CEP72: variants seen among roughly 807,000 people sequenced by gnomAD.
CEP72 encodes centrosomal protein of 72 kDa.
A neutral mutation model predicts 65.7 loss-of-function variants in CEP72; 78 were observed. The ratio of observed to expected loss-of-function variants is 1.19; its 90% CI spans 0.99 to 1.43. The LOEUF is 1.43. Ranked by LOEUF, CEP72 falls within the 40% of genes most tolerant of loss-of-function variation. The probability of loss-of-function intolerance (pLI) is 0.00; values close to 1 mark genes in which losing one functional copy is unlikely to be tolerated. For missense variants in CEP72, 914 were observed against 832.9 expected (o/e 1.10, Z -1.20); for synonymous variants, 358 against 351.7 (o/e 1.02, Z -0.20).
intron 3 of CEP72, among the ~76,000 whole-genome samples, chr5:622,159 A>G (rs1383807973): frequency 6.6e-6 from 1 of 152,238 alleles, no homozygotes; most frequent in East Asian, 1.9e-4. Context: ...TGCAGCACAC[A>G]CACCCTCTGT....
At chr5:660,065 C>T (rs576787211), downstream of CEP72, 165 of 152,432 alleles carry the variant, frequency 1.1e-3, no homozygotes, top group African/African-American at 3.4e-3. Flanking sequence ...CGGACGTCCG[C>T]GGTGAGTGCG....
At chr5:676,386 G>A in the CEP72 span, 1 of 152,234 alleles carries the variant, frequency 6.6e-6, no homozygotes, top group East Asian at 1.9e-4. Context: ...CCCAGAGCTG[G>A]TAGATGGGGC....
chr5:668,621 C>T (rs573100177), downstream of CEP72, among the ~76,000 whole-genome samples: 5 of 152,384 alleles, frequency 3.3e-5, no homozygotes, highest in Admixed American at 1.3e-4. Context: ...CCGAGCAACG[C>T]GGCAGAGCCA....
At chr5:637,287 C>T (rs530044613) in intron 6 of CEP72, among the ~76,000 whole-genome samples, 2 of 152,340 alleles carry the variant, frequency 1.3e-5, no homozygotes, top group African/African-American at 2.4e-5. Context: ...AGCACGTGTG[C>T]CCCAGTATGC....
chr5:667,977 CAGAGAGGGGGCCG>C (rs1335343221), downstream of CEP72, among the ~76,000 whole-genome samples: 25 of 48,468 alleles, frequency 5.2e-4, no homozygotes, highest in Admixed American at 1.4e-3. Context: ...GACAAGCACA[CAGAGAGGGGGCCG>C]TGTGGGCGCC....
intron 4 of CEP72, among the ~76,000 whole-genome samples, chr5:632,140 C>T (rs1737236633): frequency 1.6e-5 from 1 of 63,254 alleles, no homozygotes. Flanking sequence ...CTGTCCAGCG[C>T]CGGGATTTGG....
downstream of CEP72, among the ~76,000 whole-genome samples, chr5:669,678 G>A (rs183499329): frequency 1.4e-4 from 22 of 152,198 alleles, no homozygotes; most frequent in Admixed American, 1.4e-3. Context: ...TGGCTGAGGG[G>A]CTCCCCCATC....
chr5:641,662 G>T, intron 9 of CEP72: 1 of 984,586 alleles, frequency 1.0e-6, no homozygotes. Context: ...CCATCTGGAA[G>T]CCTCTGTATT....
At position 634,050 on chromosome 5, in the gene CEP72, A is replaced by G. The variant is rs545877233; in HGVS notation, c.691+103A>G. 77 of 1,016,212 alleles carry G rather than the reference A, an allele frequency of 7.6e-5. 1 individual carries two copies. In the East Asian group the frequency reaches 1.7e-3, roughly 23 times the overall value. The allele number at this position is 1,016,212 out of a possible 1,614,324, so 62.9% of individuals were successfully genotyped here. ...CACAGTTGCTCTTTTTGTGGAACTT[A>G]CCTTGAAGGATAGGATCTTCATGAT... On this transcript the variant is annotated intron_variant, in intron 5 of 11. Transcript: ENST00000264935.
At chr5:627,175 T>C (rs1475708080) in intron 4 of CEP72, among the ~76,000 whole-genome samples, 3 of 152,222 alleles carry the variant, frequency 2.0e-5, no homozygotes, top group African/African-American at 7.2e-5. Flanking sequence ...ATTTCTTTAA[T>C]AGAGATCTCT....
chr5:621,537 C>T (rs529099215), intron 3 of CEP72, among the ~76,000 whole-genome samples: 1 of 152,354 alleles, frequency 6.6e-6, no homozygotes, highest in East Asian at 1.9e-4. Context: ...ACCAGATGAA[C>T]ACCCGGCAGC....
chr5:642,488 A>G (rs1738122934), intron 9 of CEP72: 3 of 985,382 alleles, frequency 3.0e-6, no homozygotes, highest in Admixed American at 1.2e-4. Context: ...GGACACAGTC[A>G]GGCACACCCC....
At position 635,362 on chromosome 5, in the gene CEP72, A is replaced by G. The variant is rs1202966125; in HGVS notation, c.692-10A>G. 1 of 1,559,664 alleles carries G rather than the reference A, an allele frequency of 6.4e-7. No individual in the cohort carries two copies. The highest frequency in any genetic ancestry group is 8.8e-7 in the Non-Finnish European group (1 of 1,140,188). ...TTTTATGAAATATTTTATTTACAATATTTTAATAGAATCCAGACATCTGTT... is the reference window on the plus strand; with the variant it reads ...TTTTATGAAATATTTTATTTACAATGTTTTAATAGAATCCAGACATCTGTT... On this transcript the variant is annotated splice_polypyrimidine_tract_variant and intron_variant, in intron 5 of 11. Coordinates refer to ENST00000264935, the MANE Select transcript of CEP72 (RefSeq NM_018140.4).
rs765336582 is a variant in CEP72 at position 639,087 on chromosome 5, A to G, written c.1207-2A>G. 1.2e-6 allele frequency: 2 copies of G among 1,613,282 alleles called. No homozygotes were observed. Among genetic ancestry groups the G allele is most frequent in the Non-Finnish European group, 8.5e-7 (1 of 1,179,850 alleles). ...GGCCTCATGCTGTTGTTTCCATCAC[A>G]GCCGTCTCCCGGGTCACACTCGGCT... On this transcript the variant is annotated splice_acceptor_variant, in intron 7 of 11. Transcript: ENST00000264935. LOFTEE classifies it high-confidence loss of function.
intron 5 of CEP72, among the ~76,000 whole-genome samples, chr5:634,319 C>T (rs1342860881): frequency 1.3e-5 from 2 of 152,154 alleles, no homozygotes; most frequent in African/African-American, 2.4e-5. Flanking sequence ...GAGCTCAGGC[C>T]GCCACGTGCA....
chr5:629,474 G>A (rs1447231229), intron 4 of CEP72, among the ~76,000 whole-genome samples: 1 of 139,246 alleles, frequency 7.2e-6, no homozygotes, highest in African/African-American at 2.8e-5. Context: ...CAGTCCTGGT[G>A]GGGTTCTGTC....
downstream of CEP72, among the ~76,000 whole-genome samples, chr5:668,397 TACCGACAAGCACACAGAGAGGGG>T (rs746065804): frequency 5.2e-3 from 514 of 99,374 alleles, 31 homozygotes; most frequent in African/African-American, 0.022. Flanking sequence ...GTCAGGGAAG[TACCGACAAGCACACAGAGAGGGG>T]GCCGCGTGGG....
intron 4 of CEP72, among the ~76,000 whole-genome samples, chr5:628,198 G>A (rs1302720977): frequency 9.9e-5 from 15 of 152,256 alleles, no homozygotes; most frequent in African/African-American, 2.7e-4. Context: ...CTTCAGTCAT[G>A]GATTTTCTCA....
downstream of CEP72, among the ~76,000 whole-genome samples, chr5:671,514 T>C (rs906337908): frequency 6.6e-6 from 1 of 152,242 alleles, no homozygotes; most frequent in Non-Finnish European, 1.5e-5. Context: ...CTGGTCAGGC[T>C]CATGGGGCAA....
Sources: gnomAD v4.1 joint callset for allele counts (sites outside exome capture counted in the v4.1 genomes callset) on GRCh38, gnomAD v4.1.1 for gene constraint, MANE v1.5 for transcripts, NCBI Gene and HGNC (gene_info 2026-07-23, HGNC 2026-07-21) for gene names.